The following HIBCH variants were observed in gnomAD, a reference collection of about 807,000 sequenced individuals.
The protein encoded by HIBCH is 3-hydroxyisobutyryl-CoA hydrolase.
Under a neutral mutation model 58.2 loss-of-function variants are expected in HIBCH, and 50 were observed. That is an observed-to-expected ratio of 0.86 (90% confidence interval 0.68 to 1.09). The LOEUF is 1.09. HIBCH is among the 50% of genes least tolerant of loss of function. The pLI is 0.00. For missense variants in HIBCH, 450 were observed against 449.7 expected, an observed-to-expected ratio of 1.00 and a Z score of -0.01; for synonymous variants, 151 against 146.9, an observed-to-expected ratio of 1.03 and a Z score of -0.20.
intron 11 of HIBCH, among the ~76,000 whole-genome samples, chr2:190,221,665 C>T (rs943058866): frequency 3.3e-5 from 5 of 152,124 alleles, no homozygotes; most frequent in African/African-American, 9.7e-5. Context: ...GTTGCCTTTT[C>T]CAGAATCACC....
intron 11 of HIBCH, among the ~76,000 whole-genome samples, chr2:190,238,190 A>G (rs1216220516): frequency 6.6e-6 from 1 of 152,164 alleles, no homozygotes; most frequent in Middle Eastern, 3.2e-3. Context: ...TATACCCAGT[A>G]AAGGGATTGC....
intron 7 of HIBCH, 75 bp downstream of exon 7, chr2:190,261,078 TCAA>T: frequency 9.3e-7 from 1 of 1,075,640 alleles, no homozygotes; most frequent in Non-Finnish European, 1.4e-6. Context: ...ATCAATTCCT[TCAA>T]CAACAGTAAA....
At chr2:190,270,210 T>A (rs1177039240) in intron 6 of HIBCH, among the ~76,000 whole-genome samples, 1 of 151,416 alleles carries the variant, frequency 6.6e-6, no homozygotes, top group Non-Finnish European at 1.5e-5. Context: ...ATCCCAGAGT[T>A]TAAAGTAAAA....
At chr2:190,258,246 A>G (rs1044909356) in intron 7 of HIBCH, among the ~76,000 whole-genome samples, 2 of 152,160 alleles carry the variant, frequency 1.3e-5, no homozygotes, top group African/African-American at 4.8e-5. Context: ...CCACGACTGT[A>G]AATTTCTGGA....
chr2:190,208,799 T>A, intron 13 of HIBCH, 81 bp downstream of exon 13: 1 of 1,265,722 alleles, frequency 7.9e-7, no homozygotes, highest in East Asian at 2.3e-5. Context: ...TTGGGATGCA[T>A]AATCTGTATC....
At chr2:190,271,413 C>T (rs1228866270) in intron 6 of HIBCH, among the ~76,000 whole-genome samples, 1 of 151,732 alleles carries the variant, frequency 6.6e-6, no homozygotes, top group East Asian at 1.9e-4. Context: ...CATCAGCCTC[C>T]CAGGTAGCTG....
chr2:190,257,153 CAT>C (rs1183990000), intron 7 of HIBCH, among the ~76,000 whole-genome samples: 1 of 152,012 alleles, frequency 6.6e-6, no homozygotes, highest in East Asian at 1.9e-4. Flanking sequence ...TAGCTTGAAA[CAT>C]GTGATCAAGA....
intron 4 of HIBCH, among the ~76,000 whole-genome samples, chr2:190,291,978 CTTGTTTGTTTT>C (rs139448033): frequency 0.02 from 3,046 of 152,138 alleles, 111 homozygotes; most frequent in African/African-American, 0.07. Context: ...CTAGAATTCT[CTTGTTTGTTTT>C]TTGTTTGTTT....
In HIBCH at chr2:190,246,029, T is replaced by C. The variant is rs866272934; in HGVS notation, c.809+125A>G. 29 of 641,960 alleles carry C rather than the reference T, an allele frequency of 4.5e-5. No homozygotes were observed. In the Middle Eastern group the frequency reaches 4.0e-3, roughly 90 times the overall value. The allele number at this position is 641,960 out of a possible 1,614,324, so 39.8% of individuals were successfully genotyped here. ...AAAAAGGAAGGAAAGCTCTATACTTTCTGATCTCAGAATTCAGTGCACTAT... is the reference window on the plus strand; with the variant it reads ...AAAAAGGAAGGAAAGCTCTATACTTCCTGATCTCAGAATTCAGTGCACTAT... On this transcript the variant is annotated intron_variant, in intron 10 of 13. Transcript: ENST00000359678.
At chr2:190,310,026 G>A (rs1357133270) in intron 2 of HIBCH, among the ~76,000 whole-genome samples, 1 of 152,164 alleles carries the variant, frequency 6.6e-6, no homozygotes, top group African/African-American at 2.4e-5. Flanking sequence ...AGAGTGGCTA[G>A]AATAAAAGCA....
intron 7 of HIBCH, among the ~76,000 whole-genome samples, chr2:190,255,059 C>T (rs1686885312): frequency 6.6e-6 from 1 of 152,188 alleles, no homozygotes. Context: ...TCCAATCTCA[C>T]TGCTTCTACT....
chr2:190,280,271 G>C (rs1233579286), intron 6 of HIBCH, among the ~76,000 whole-genome samples: 1 of 152,136 alleles, frequency 6.6e-6, no homozygotes, highest in Non-Finnish European at 1.5e-5. Context: ...ACTGGGATGG[G>C]GTTGGAGAGG....
At chr2:190,245,111 A>T in intron 10 of HIBCH, 143 bp from the exon 11 acceptor site, 1 of 676,750 alleles carries the variant, frequency 1.5e-6, no homozygotes, top group Admixed American at 2.2e-5. Flanking sequence ...CGTGAAAAGA[A>T]AGAGAGCATT....
chr2:190,226,860 C>A (rs1413506089), intron 11 of HIBCH, among the ~76,000 whole-genome samples: 1 of 152,086 alleles, frequency 6.6e-6, no homozygotes, highest in East Asian at 1.9e-4. Context: ...TACCTAAAAT[C>A]CAACTTACAA....
Position 190,300,426 on chromosome 2 carries a change from CT to C in HIBCH, c.79-3474del, listed in dbSNP as rs938353003. Among the ~76,000 whole-genome samples the C allele has an allele frequency of 9.6e-3, 1,373 of 143,164 alleles. 4 individuals carry two copies. Among genetic ancestry groups the C allele is most frequent in the Middle Eastern group, 0.015 (4 of 272 alleles). 93.9% of individuals were successfully genotyped at this position (143,164 alleles called of 152,430 possible). On this transcript the variant is annotated intron_variant, in intron 2 of 13. Transcript: ENST00000359678. ...TTCTCTAATGATCAGTGATACTGAG[CT>C]TTTTTTTTTTTAATATGTGGTTGGC...
At chr2:190,251,546 T>C (rs755917167) in intron 8 of HIBCH, 2 of 448,454 alleles carry the variant, frequency 4.5e-6, no homozygotes, top group South Asian at 3.3e-5. Context: ...TATGTAATAG[T>C]GTCATCTCCA....
intron 2 of HIBCH, among the ~76,000 whole-genome samples, chr2:190,309,164 A>T (rs1158329098): frequency 6.6e-6 from 1 of 152,250 alleles, no homozygotes; most frequent in Non-Finnish European, 1.5e-5. Context: ...ATAAGTGTTT[A>T]CACTAGTTAG....
chr2:190,255,455 C>T (rs1223457728), intron 7 of HIBCH, among the ~76,000 whole-genome samples: 1 of 152,156 alleles, frequency 6.6e-6, no homozygotes, highest in African/African-American at 2.4e-5. Flanking sequence ...TTTAAAGTAG[C>T]CATCTGGGAG....
chr2:190,261,142 T>A lies in HIBCH; in HGVS notation c.517+14A>T, dbSNP rs757432118. The stretch of plus-strand genomic sequence containing the variant: ...ATGCTAAAAGTAATTATAAAAAAAA[T>A]TCTGGTTGTTTACCTATTGCAGTTT... On this transcript the variant is annotated intron_variant, in intron 7 of 13. Coordinates refer to ENST00000359678, the MANE Select transcript of HIBCH (RefSeq NM_014362.4). The A allele has an allele frequency of 2.5e-6, 4 of 1,594,640 alleles. No homozygotes were observed. The highest frequency in any genetic ancestry group is 3.4e-6 in the Non-Finnish European group (4 of 1,163,154).
Sources: gnomAD v4.1 joint callset for allele counts (sites outside exome capture counted in the v4.1 genomes callset) on GRCh38, gnomAD v4.1.1 for gene constraint, MANE v1.5 for transcripts, NCBI Gene and HGNC (gene_info 2026-07-23, HGNC 2026-07-21) for gene names.